The following CYFIP1 variants were observed in gnomAD, a reference collection of about 807,000 sequenced individuals.
CYFIP1 encodes cytoplasmic FMR1 interacting protein 1.
A neutral mutation model predicts 163.5 loss-of-function variants in CYFIP1; 58 were observed. The observed-to-expected ratio is 0.35, with a 90% CI of 0.29 to 0.44. The LOEUF (loss-of-function observed/expected upper bound fraction) is 0.44, where lower values mean the gene tolerates loss of function less well. Among genes scored for constraint, CYFIP1 ranks in the 20% least tolerant of loss-of-function variants. CYFIP1 has a pLI of 1.00. For synonymous variants in CYFIP1, 663 were observed against 660.7 expected, an observed-to-expected ratio of 1.00 and a Z score of -0.05; for missense variants, 1,338 against 1,653.8, an observed-to-expected ratio of 0.81 and a Z score of 3.31.
intron 21 of CYFIP1, chr15:22,904,203 C>G (rs911952488): frequency 4.2e-6 from 2 of 481,772 alleles, no homozygotes; most frequent in East Asian, 3.9e-5. Context: ...ACCCTTCCCC[C>G]CATGTGCCCG....
At chr15:22,907,967 C>T (rs189087420) in intron 21 of CYFIP1, among the ~76,000 whole-genome samples, 3 of 152,344 alleles carry the variant, frequency 2.0e-5, no homozygotes, top group African/African-American at 7.2e-5. Context: ...TCCAGTTACA[C>T]GTTAGGTCTT....
chr15:22,937,593 ATTC>A (rs929877702), intron 8 of CYFIP1, among the ~76,000 whole-genome samples: 9 of 142,096 alleles, frequency 6.3e-5, no homozygotes, highest in African/African-American at 2.0e-4. Context: ...CAAACTAAAA[ATTC>A]TTTTTTTGTT....
rs1369889690 is a variant in CYFIP1 at position 22,883,497 on chromosome 15, C to A, written c.2677-486G>T. ...TTTTCACACTGCTATAGAGAAATAC[C>A]CAAGACTGCATAATTTATTTTAAAA... is the stretch of plus-strand genomic sequence containing the variant. On this transcript the variant is annotated intron_variant, in intron 23 of 30. Transcript: ENST00000617928. Among the ~76,000 whole-genome samples the A allele has an allele frequency of 2.6e-5, 4 of 152,038 alleles. No homozygotes were observed. In the East Asian group the frequency reaches 7.7e-4, roughly 29 times the overall value.
intron 28 of CYFIP1, 148 bp from the exon 29 acceptor site, chr15:22,873,877 G>C: frequency 1.4e-6 from 1 of 732,208 alleles, no homozygotes; most frequent in East Asian, 2.5e-5. Flanking sequence ...CTGCAGCCTT[G>C]ACTTCCCAGG....
intron 1 of CYFIP1, among the ~76,000 whole-genome samples, chr15:22,967,134 T>TA (rs1567043905): frequency 6.6e-6 from 1 of 152,192 alleles, no homozygotes; most frequent in African/African-American, 2.4e-5. Flanking sequence ...GCACTGGCTC[T>TA]AGCATCGGTT....
chr15:22,943,121 A>T (rs748284687), intron 6 of CYFIP1, 52 bp downstream of exon 6: 43 of 1,570,816 alleles, frequency 2.7e-5, no homozygotes. Flanking sequence ...AAGGCAGGCC[A>T]CTGAGCTGGG....
intron 30 of CYFIP1, among the ~76,000 whole-genome samples, chr15:22,872,293 C>CAAAA (rs11327088): frequency 4.8e-4 from 53 of 111,406 alleles, no homozygotes; most frequent in African/African-American, 1.7e-3. Context: ...GAAACTGTCT[C>CAAAA]AAAAAAAAAA....
chr15:22,899,505 G>C (rs1343604020), intron 22 of CYFIP1, among the ~76,000 whole-genome samples: 1 of 151,786 alleles, frequency 6.6e-6, no homozygotes, highest in Non-Finnish European at 1.5e-5. Context: ...GATTGTGAGT[G>C]AGTCTCATGA....
chr15:22,980,109 G>T (rs1473153514), intron 1 of CYFIP1, among the ~76,000 whole-genome samples, 178 bp downstream of exon 1: 1 of 148,682 alleles, frequency 6.7e-6, no homozygotes, highest in Non-Finnish European at 1.5e-5. Context: ...GGACCTGGGG[G>T]ACGCGGGGAC....
rs747026796 is a variant in CYFIP1, at chr15:22,951,282, A to G, written c.-6-3991T>C. ...AGCCGGTCACTGCTGCATGTTCCTC[A>G]CTAGAAATCTACATGTAGCAGAAAC... On this transcript the variant is annotated intron_variant, in intron 1 of 30. Coordinates refer to ENST00000617928, the MANE Select transcript of CYFIP1 (RefSeq NM_014608.6). The G allele has an allele frequency of 1.4e-5, 15 of 1,102,608 alleles. 1 individual carries two copies. Among genetic ancestry groups the G allele is most frequent in the Non-Finnish European group, 1.7e-5 (15 of 885,730 alleles). The allele number at this position is 1,102,608 out of a possible 1,614,324, so 68.3% of individuals were successfully genotyped here.
intron 1 of CYFIP1, among the ~76,000 whole-genome samples, chr15:22,953,049 C>A (rs974967470): frequency 6.6e-6 from 1 of 152,264 alleles, no homozygotes; most frequent in African/African-American, 2.4e-5. Flanking sequence ...CGCACGCACA[C>A]GGCCTGGGCC....
rs138234345 is a variant in CYFIP1 at position 22,914,734 on chromosome 15, C to G, written c.1977G>C (p.Ser659=). The stretch of plus-strand genomic sequence containing the variant: ...GCCCGCAGGACACGCACTCCATCAT[C>G]GATGCCTCCTTGGTCTCCAGGATGT... ...TDHILETKEA[S]MMEYVLYSLD... is the part of the protein sequence containing the mutation. Residue 659 remains serine, a synonymous_variant, in exon 17 of 31, where the codon TCG becomes TCC. Coordinates refer to ENST00000617928, the MANE Select transcript of CYFIP1 (RefSeq NM_014608.6). The G allele has an allele frequency of 1.3e-3, 2,155 of 1,611,414 alleles. 29 individuals carry two copies. The African/African-American group carries it at 0.025, about 19-fold the overall frequency.
At chr15:22,977,240 A>T (rs1375750506) in intron 1 of CYFIP1, among the ~76,000 whole-genome samples, 1 of 151,792 alleles carries the variant, frequency 6.6e-6, no homozygotes, top group African/African-American at 2.4e-5. Flanking sequence ...CTGTGTGTTG[A>T]CTTTGTATCT....
At chr15:22,914,342 C>A (rs1304333537) in intron 17 of CYFIP1, among the ~76,000 whole-genome samples, 1 of 152,100 alleles carries the variant, frequency 6.6e-6, no homozygotes, top group Non-Finnish European at 1.5e-5. Flanking sequence ...AGTGCCTGAG[C>A]TCTCAATTCC....
chr15:22,963,564 A>ATAACATAACATAACATAACATAACATAAC (rs2062780706), intron 1 of CYFIP1, among the ~76,000 whole-genome samples: 2 of 139,552 alleles, frequency 1.4e-5, no homozygotes, highest in East Asian at 2.4e-4. Context: ...CATAAGAAAG[A>ATAACATAACATAACATAACATAACATAAC]ATGAAATATC....
intron 23 of CYFIP1, among the ~76,000 whole-genome samples, chr15:22,889,680 G>A (rs1403622230): frequency 6.6e-6 from 1 of 152,154 alleles, no homozygotes; most frequent in African/African-American, 2.4e-5. Flanking sequence ...CCAGATGGGG[G>A]TGACAGAGGA....
chr15:22,882,750 G>T, intron 24 of CYFIP1, 118 bp downstream of exon 24: 2 of 1,184,432 alleles, frequency 1.7e-6, no homozygotes, highest in Admixed American at 2.3e-5. Flanking sequence ...AATGTTTGAA[G>T]CCTAATTGAA....
intron 17 of CYFIP1, among the ~76,000 whole-genome samples, chr15:22,912,843 C>T (rs1471349182): frequency 3.9e-5 from 6 of 151,954 alleles, no homozygotes; most frequent in African/African-American, 1.5e-4. Flanking sequence ...ATCACTTGAG[C>T]CTGAGAGGTT....
rs1221020251 is a variant in CYFIP1 at position 22,947,205 on chromosome 15, G to T, written c.81C>A (p.Pro27=). The T allele has an allele frequency of 1.9e-6, 3 of 1,614,056 alleles. No homozygotes were observed. In the Admixed American group the frequency reaches 5.0e-5, roughly 27 times the overall value. Residue 27 remains proline (P), a synonymous_variant, in exon 2 of 31, where the codon CCC becomes CCA. Transcript: ENST00000617928. ...GCGAGGATGGCGGGGGCTCGATGCA[G>T]GGCTGCTGGTCGGGCAGGGGCAGCT... ...LEELPLPDQQ[P]CIEPPPSSLL... is the part of the protein sequence containing the mutation.
Sources: gnomAD v4.1 joint callset for allele counts (sites outside exome capture counted in the v4.1 genomes callset) on GRCh38, gnomAD v4.1.1 for gene constraint, MANE v1.5 for transcripts, NCBI Gene and HGNC (gene_info 2026-07-23, HGNC 2026-07-21) for gene names.